The following CCNG1 variants were observed in gnomAD, a reference collection of about 807,000 sequenced individuals.
The protein encoded by CCNG1 is cyclin-G1.
CCNG1 carries 13 observed loss-of-function variants against 30.0 expected under a neutral mutation model. The ratio of observed to expected loss-of-function variants is 0.43; its 90% confidence interval spans 0.28 to 0.69. The LOEUF (loss-of-function observed/expected upper bound fraction) is 0.69. CCNG1 is among the 30% of genes least tolerant of loss of function. The probability of loss-of-function intolerance (pLI) is 0.16; values close to 1 mark genes in which losing one functional copy is unlikely to be tolerated. For synonymous variants in CCNG1, 110 were observed against 121.5 expected (o/e 0.91, Z 0.62); for missense variants, 285 against 331.4 (o/e 0.86, Z 1.09).
At chr5:163,443,007 T>C (rs1387504480) in intron 6 of CCNG1, among the ~76,000 whole-genome samples, 1 of 152,148 alleles carries the variant, frequency 6.6e-6, no homozygotes, top group African/African-American at 2.4e-5. Context: ...TTGGATATTG[T>C]ACTTAAAAGA....
At chr5:163,449,127 CTG>C (rs1396121850), downstream of CCNG1, 1 of 152,098 alleles carries the variant, frequency 6.6e-6, no homozygotes, top group Non-Finnish European at 1.5e-5. Context: ...TAAAATAAAA[CTG>C]TTCCTATTCG....
the CCNG1 span, among the ~76,000 whole-genome samples, chr5:163,455,083 T>G: frequency 6.6e-6 from 1 of 151,960 alleles, no homozygotes; most frequent in Admixed American, 6.5e-5. Context: ...TGGGCCAAAT[T>G]TGGCCCAAGG....
In CCNG1 at chr5:163,439,648, C is replaced by T. The variant is rs2113351053; in HGVS notation, c.264+128C>T. The T allele has an allele frequency of 1.4e-5, 10 of 696,102 alleles. No homozygotes were observed. In the East Asian group the frequency reaches 2.3e-4, roughly 16 times the overall value. The allele number at this position is 696,102 out of a possible 1,614,324, so 43.1% of individuals were successfully genotyped here. On this transcript the variant is annotated intron_variant, in intron 2 of 6. Coordinates refer to ENST00000340828, the MANE Select transcript of CCNG1 (RefSeq NM_004060.4). ...CACGTAGCCAAAACATTAATTTTGT[C>T]TACTACAGCATTAATATTTCTTATC...
chr5:163,443,837 G>C lies in CCNG1; in HGVS notation c.*167G>C, dbSNP rs899555959. On this transcript the variant is annotated 3_prime_UTR_variant, in exon 7 of 7. Transcript: ENST00000340828. ...AACTGCCTAATATTATGCTGTAGTG[G>C]AATTATGTTTAGATTTGAATTCATC... 1 of 649,096 alleles carries C rather than the reference G, an allele frequency of 1.5e-6. No homozygotes were observed. Among genetic ancestry groups the C allele is most frequent in the Non-Finnish European group, 2.5e-6 (1 of 392,792 alleles). 40.2% of individuals were successfully genotyped at this position (649,096 alleles called of 1,614,324 possible).
chr5:163,445,018 C>T (rs1289595599), downstream of CCNG1: 1 of 152,146 alleles, frequency 6.6e-6, no homozygotes, highest in East Asian at 1.9e-4. Flanking sequence ...GAAATTCAAT[C>T]CTTTGCTGGG....
In CCNG1 at chr5:163,443,971, T is replaced by C. The variant is rs1757956292; in HGVS notation, c.*301T>C. 1 of 418,530 alleles carries C rather than the reference T, an allele frequency of 2.4e-6. No individual in the cohort carries two copies. Among genetic ancestry groups the C allele is most frequent in the African/African-American group, 2.0e-5 (1 of 49,604 alleles). 25.9% of individuals were successfully genotyped at this position (418,530 alleles called of 1,614,324 possible). On this transcript the variant is annotated 3_prime_UTR_variant, in exon 7 of 7. Transcript: ENST00000340828. The stretch of plus-strand genomic sequence containing the variant: ...TCTATCATTGATCTAACTTTAGATA[T>C]TGGATCAATATATTTAGGTGGTATT...
chr5:163,453,486 A>G, the CCNG1 span: 1 of 152,614 alleles, frequency 6.6e-6, no homozygotes, highest in Non-Finnish European at 1.5e-5. Context: ...ATTTACTTAA[A>G]ATACATTTAT....
At chr5:163,457,224 C>G in the CCNG1 span, 42 of 832,376 alleles carry the variant, frequency 5.0e-5, no homozygotes, top group South Asian at 6.7e-4. Flanking sequence ...CTCCGCCCCC[C>G]GGGTTCAAGT....
intron 3 of CCNG1, 21 bp from the exon 4 acceptor site, chr5:163,441,865 A>G: frequency 6.9e-7 from 1 of 1,452,254 alleles, no homozygotes; most frequent in East Asian, 2.3e-5. Context: ...TAATAAAAGT[A>G]ATACCATTTT....
chr5:163,443,311 CAAAAAAA>C (rs35396845), intron 6 of CCNG1, among the ~76,000 whole-genome samples: 1 of 90,224 alleles, frequency 1.1e-5, no homozygotes, highest in Non-Finnish European at 2.4e-5. Flanking sequence ...GACTCCGCCA[CAAAAAAA>C]AAAAAAAAAA....
downstream of CCNG1, chr5:163,446,530 TTGTATAATTTTTAATCAAAACTATATGC>T (rs1413128960): frequency 6.6e-6 from 1 of 152,236 alleles, no homozygotes; most frequent in Non-Finnish European, 1.5e-5. Flanking sequence ...GTGAAATTGC[TTGTATAATTTTTAATCAAAACTATATGC>T]TGGCCACATT....
At chr5:163,439,169 A>G (rs1246470778) in intron 1 of CCNG1, 88 bp from the exon 2 acceptor site, 5 of 1,169,812 alleles carry the variant, frequency 4.3e-6, no homozygotes, top group African/African-American at 3.1e-5. Context: ...AGGCTTATAA[A>G]TCATTTCTTG....
At chr5:163,454,374 T>A in the CCNG1 span, among the ~76,000 whole-genome samples, 1 of 152,166 alleles carries the variant, frequency 6.6e-6, no homozygotes, top group Non-Finnish European at 1.5e-5. Flanking sequence ...GGAGTTTCGC[T>A]CTTGTTGCCC....
the CCNG1 span, among the ~76,000 whole-genome samples, chr5:163,455,008 G>A: frequency 1.3e-5 from 2 of 152,126 alleles, no homozygotes; most frequent in African/African-American, 2.4e-5. Context: ...ATACTCAACT[G>A]TCTGAAAGAC....
At chr5:163,457,492 T>C in the CCNG1 span, 1 of 922,098 alleles carries the variant, frequency 1.1e-6, no homozygotes, top group Non-Finnish European at 1.8e-6. Context: ...AAAAAAGACC[T>C]AATACAAAAG....
chr5:163,457,082 T>A, the CCNG1 span: 2 of 1,405,052 alleles, frequency 1.4e-6, no homozygotes, highest in Admixed American at 2.1e-5. Flanking sequence ...TTCTGTCCTC[T>A]AAAAAAAAAA....
At chr5:163,449,691 A>C (rs1355054476), downstream of CCNG1, 1 of 152,226 alleles carries the variant, frequency 6.6e-6, no homozygotes, top group Non-Finnish European at 1.5e-5. Flanking sequence ...TGTGATAATC[A>C]AGGCAATCTG....
At chr5:163,439,698 A>AT (rs1485071203) in intron 2 of CCNG1, 178 bp downstream of exon 2, 9 of 542,158 alleles carry the variant, frequency 1.7e-5, no homozygotes, top group Non-Finnish European at 2.6e-5. Context: ...TACATCAGGT[A>AT]TTAGACTTAA....
At chr5:163,442,200 T>A in intron 5 of CCNG1, 57 bp downstream of exon 5, 1 of 1,218,100 alleles carries the variant, frequency 8.2e-7, no homozygotes, top group Non-Finnish European at 1.2e-6. Flanking sequence ...ACTAAACCCC[T>A]TCTATCTCCT....
Sources: allele counts gnomAD v4.1 joint callset (sites outside exome capture counted in the v4.1 genomes callset), GRCh38; gene constraint gnomAD v4.1.1; transcripts MANE v1.5; gene names NCBI Gene and HGNC (gene_info 2026-07-23, HGNC 2026-07-21).